KCNK13: variants seen among roughly 807,000 people sequenced by gnomAD.
The protein encoded by KCNK13 is potassium channel subfamily K member 13.
KCNK13 carries 12 observed loss-of-function variants against 23.4 expected under a neutral mutation model. That is an observed-to-expected ratio of 0.51 (90% CI 0.33 to 0.83). The LOEUF is 0.83. Among genes scored for constraint, KCNK13 ranks in the 40% least tolerant of loss-of-function variants. The pLI is 0.02. For missense variants in KCNK13, 463 were observed against 556.3 expected (o/e 0.83, Z 1.69); for synonymous variants, 231 against 229.5 (o/e 1.01, Z -0.06).
At chr14:90,127,448 C>G (rs939944325) in intron 1 of KCNK13, among the ~76,000 whole-genome samples, 1 of 121,972 alleles carries the variant, frequency 8.2e-6, no homozygotes. Context: ...AAAGTGCTCA[C>G]CATACTTTTT....
chr14:90,169,545 G>A, intron 1 of KCNK13, among the ~76,000 whole-genome samples: 1 of 152,282 alleles, frequency 6.6e-6, no homozygotes, highest in Non-Finnish European at 1.5e-5. Flanking sequence ...ATTTCCCAGA[G>A]GAAGTCAGCT....
Position 90,151,905 on chromosome 14 carries a change from C to T in KCNK13, c.335-32206C>T, listed in dbSNP as rs572488720. Among the ~76,000 whole-genome samples, 27 of 152,292 alleles carry T rather than the reference C, an allele frequency of 1.8e-4. No individual in the cohort carries two copies. In the South Asian group the frequency reaches 5.4e-3, roughly 30 times the overall value. Reference sequence around the variant, plus strand: ...TCCTTTTCCCATTGTGCATTCTTGGCACTTTCGTCAAAGATCAATTGACTG... The same window carrying T: ...TCCTTTTCCCATTGTGCATTCTTGGTACTTTCGTCAAAGATCAATTGACTG... On this transcript the variant is annotated intron_variant, in intron 1 of 1. Coordinates refer to ENST00000282146, the MANE Select transcript of KCNK13 (RefSeq NM_022054.4).
intron 1 of KCNK13, among the ~76,000 whole-genome samples, chr14:90,144,780 T>A (rs914943166): frequency 2.0e-5 from 3 of 152,110 alleles, no homozygotes; most frequent in Non-Finnish European, 4.4e-5. Context: ...TTCTTTACAA[T>A]GCTTTTTATC....
intron 1 of KCNK13, among the ~76,000 whole-genome samples, chr14:90,137,508 A>G (rs1889952957): frequency 6.6e-6 from 1 of 152,002 alleles, no homozygotes; most frequent in South Asian, 2.1e-4. Context: ...TTTCATAGAG[A>G]AGGGGTTTCA....
chr14:90,077,041 G>C (rs986439799), intron 1 of KCNK13, among the ~76,000 whole-genome samples: 31 of 149,318 alleles, frequency 2.1e-4, no homozygotes, highest in African/African-American at 6.9e-4. Context: ...GGATGGTCTC[G>C]ATCTCCTGAC....
At chr14:90,065,756 A>G (rs959836366) in intron 1 of KCNK13, among the ~76,000 whole-genome samples, 2 of 152,208 alleles carry the variant, frequency 1.3e-5, no homozygotes, top group South Asian at 4.1e-4. Flanking sequence ...GCCCAAGGGT[A>G]GCCCTCACGC....
intron 1 of KCNK13, among the ~76,000 whole-genome samples, chr14:90,099,009 A>G (rs11159946): frequency 0.27 from 41,468 of 151,724 alleles, 6,561 homozygotes; most frequent in African/African-American, 0.42. Context: ...CCCAGGAGGC[A>G]GAGTTTGCAG....
chr14:90,155,534 G>A (rs1890183800), intron 1 of KCNK13, among the ~76,000 whole-genome samples: 1 of 152,192 alleles, frequency 6.6e-6, no homozygotes, highest in Non-Finnish European at 1.5e-5. Flanking sequence ...GGACCATTCA[G>A]GAGACTCCTA....
At chr14:90,129,624 A>G (rs1889843721) in intron 1 of KCNK13, among the ~76,000 whole-genome samples, 1 of 152,086 alleles carries the variant, frequency 6.6e-6, no homozygotes, top group Non-Finnish European at 1.5e-5. Context: ...CAATCGTTTT[A>G]CTATGTTGCT....
Position 90,109,714 on chromosome 14 carries a change from A to ATTT in KCNK13, c.334+47186_334+47188dup, listed in dbSNP as rs78666512. On this transcript the variant is annotated intron_variant, in intron 1 of 1. Transcript: ENST00000282146. The stretch of plus-strand genomic sequence containing the variant: ...CATGAGCCATGGTGCCTGGCCCTTT[A>ATTT]TTTTTTTTTTTTTGAGAAAGGACTT... Among the ~76,000 whole-genome samples the ATTT allele has an allele frequency of 2.6e-3, 301 of 114,698 alleles. 1 individual carries two copies. The highest frequency in any genetic ancestry group is 8.9e-3 in the African/African-American group (280 of 31,344). 75.2% of individuals were successfully genotyped at this position (114,698 alleles called of 152,430 possible). A position where few individuals can be genotyped will look rare whatever the true frequency, so the allele number is the denominator to read the frequency against.
At chr14:90,134,424 A>G (rs890501526) in intron 1 of KCNK13, among the ~76,000 whole-genome samples, 1 of 152,216 alleles carries the variant, frequency 6.6e-6, no homozygotes, top group Admixed American at 6.5e-5. Flanking sequence ...TTTATGGAAC[A>G]TAGCCTTAGA....
chr14:90,079,778 A>C (rs1889185334), intron 1 of KCNK13, among the ~76,000 whole-genome samples: 1 of 152,180 alleles, frequency 6.6e-6, no homozygotes, highest in African/African-American at 2.4e-5. Flanking sequence ...GGAACTCAGA[A>C]AGAAAAAGAT....
intron 1 of KCNK13, among the ~76,000 whole-genome samples, chr14:90,091,697 C>G (rs189659031): frequency 3.3e-5 from 5 of 151,782 alleles, no homozygotes; most frequent in Non-Finnish European, 7.4e-5. Flanking sequence ...TGCCAATACC[C>G]TCTTCTCGGT....
At chr14:90,157,317 C>T (rs1890204517) in intron 1 of KCNK13, among the ~76,000 whole-genome samples, 1 of 152,168 alleles carries the variant, frequency 6.6e-6, no homozygotes, top group Admixed American at 6.6e-5. Flanking sequence ...CTCGTGCAGG[C>T]CCTTTTCATC....
chr14:90,184,099 T>G lies in KCNK13; in HGVS notation c.335-12T>G. 6.2e-7 allele frequency: 1 copy of G among 1,601,650 alleles called. No individual in the cohort carries two copies. Among genetic ancestry groups the G allele is most frequent in the Non-Finnish European group, 8.5e-7 (1 of 1,172,170 alleles). ...ATTTCTCTTACTCTTCTCTCATTTT[T>G]CTCTCCTGCAGGGTTTGGGATGACA... On this transcript the variant is annotated splice_polypyrimidine_tract_variant and intron_variant, in intron 1 of 1. Coordinates refer to ENST00000282146, the MANE Select transcript of KCNK13 (RefSeq NM_022054.4). This position sits in a 1 kb window ranked among gnomAD's most constrained non-coding sequence, Gnocchi z 5.6.
In KCNK13 at chr14:90,185,042, T is replaced by A; in HGVS notation, c.*39T>A. 3 of 1,493,504 alleles carry A rather than the reference T, an allele frequency of 2.0e-6. 1 individual carries two copies. Among genetic ancestry groups the A allele is most frequent in the East Asian group, 4.6e-5 (2 of 43,020 alleles). The allele number at this position is 1,493,504 out of a possible 1,614,324, so 92.5% of individuals were successfully genotyped here. A position where few individuals can be genotyped will look rare whatever the true frequency, so the allele number is the denominator to read the frequency against. On this transcript the variant is annotated 3_prime_UTR_variant, in exon 2 of 2. Transcript: ENST00000282146. ...ATGCTGGGCAGAGGCCAGAGTAGAA[T>A]GGAGGATGATTGCCGCCCAGGGGAC... is the stretch of plus-strand genomic sequence containing the variant.
intron 1 of KCNK13, among the ~76,000 whole-genome samples, chr14:90,076,058 G>C (rs763628441): frequency 5.3e-5 from 8 of 152,196 alleles, no homozygotes; most frequent in African/African-American, 4.8e-5. Flanking sequence ...TGTGTTTTCT[G>C]TCTGGTGCTT....
chr14:90,159,249 C>A (rs908602668), intron 1 of KCNK13, among the ~76,000 whole-genome samples: 4 of 152,190 alleles, frequency 2.6e-5, no homozygotes, highest in African/African-American at 7.2e-5. Flanking sequence ...CCCCACCTCC[C>A]AACACTGTTG....
At chr14:90,079,986 GAGA>G (rs565235562) in intron 1 of KCNK13, among the ~76,000 whole-genome samples, 6 of 152,332 alleles carry the variant, frequency 3.9e-5, no homozygotes, top group South Asian at 4.1e-4. Context: ...AGATGAGGGA[GAGA>G]AGGAGGGAGG....
Sources: gnomAD v4.1 joint callset for allele counts (sites outside exome capture counted in the v4.1 genomes callset) on GRCh38, gnomAD v4.1.1 for gene constraint, Gnocchi (gnomAD v3.1) non-coding constraint, MANE v1.5 for transcripts, NCBI Gene and HGNC (gene_info 2026-07-23, HGNC 2026-07-21) for gene names.